The following ATAD3B variants were observed in gnomAD, a reference collection of about 807,000 sequenced individuals.
ATAD3B encodes ATPase family AAA domain-containing protein 3B.
A neutral mutation model predicts 70.2 loss-of-function variants in ATAD3B; 59 were observed. The ratio of observed to expected loss-of-function variants is 0.84; its 90% confidence interval spans 0.68 to 1.04. The LOEUF is 1.04. ATAD3B is among the 50% of genes least tolerant of loss of function. The pLI, the probability that ATAD3B is intolerant of heterozygous loss-of-function variation, is 0.00. For synonymous variants in ATAD3B, 423 were observed against 388.6 expected (o/e 1.09, Z -1.04); for missense variants, 961 against 913.4 (o/e 1.05, Z -0.67).
chr1:1,486,452 C>G, intron 10 of ATAD3B, 92 bp from the exon 11 acceptor site: 1 of 1,607,862 alleles, frequency 6.2e-7, no homozygotes, highest in Admixed American at 1.7e-5. Flanking sequence ...ACAGGGACAC[C>G]CGGCAGGGGC....
chr1:1,486,104 C>T lies in ATAD3B; in HGVS notation c.964-6C>T, dbSNP rs149651155. On this transcript the variant is annotated splice_region_variant and splice_polypyrimidine_tract_variant and intron_variant, in intron 9 of 15. Transcript: ENST00000673477. ...GTCTCCCCCAAACCCCCGTCTTCCC[C>T]GGCAGCCCAGCCTGGAAGCACGGGT... 2,972 of 1,613,016 alleles carry T rather than the reference C, an allele frequency of 1.8e-3. 52 individuals are homozygous for T. The highest frequency in any genetic ancestry group is 2.3e-3 in the Non-Finnish European group (2,767 of 1,179,626).
At chr1:1,483,947 A>G (rs2100561401) in intron 7 of ATAD3B, 1 of 152,202 alleles carries the variant, frequency 6.6e-6, no homozygotes, top group Middle Eastern at 3.4e-3. Flanking sequence ...GGGCGCCGGC[A>G]CCACGGCAGA....
At position 1,482,607 on chromosome 1, in the gene ATAD3B, C is replaced by T. The variant is rs1639978596; in HGVS notation, c.743C>T (p.Thr248Ile). Residue 248 changes from threonine to isoleucine, a missense_variant, in exon 7 of 16, where the codon ACA becomes ATA. By Grantham distance (89) the Thr-to-Ile change is moderately conservative (BLOSUM62 -1). This residue lies in a region of ATAD3B where 349 missense variants were observed against 307.5 expected (regional missense o/e 1.14). Coordinates refer to ENST00000673477, the MANE Select transcript of ATAD3B (RefSeq NM_031921.6). ...RAFVTDRDKV[T>I]ATVAGLTLLA... The stretch of plus-strand genomic sequence containing the variant: ...TTTGTGACAGACCGGGACAAAGTGA[C>T]AGCCACGGTAAACATATTCATAAAA... 1 of 1,613,384 alleles carries T rather than the reference C, an allele frequency of 6.2e-7. No homozygotes were observed. Among genetic ancestry groups the T allele is most frequent in the Non-Finnish European group, 8.5e-7 (1 of 1,179,576 alleles).
rs1640789603 is a variant in ATAD3B, at chr1:1,496,264, TG to T, written c.*451del. On this transcript the variant is annotated 3_prime_UTR_variant, in exon 16 of 16. Coordinates refer to ENST00000673477, the MANE Select transcript of ATAD3B (RefSeq NM_031921.6). ...TTTCAGGGGCGCCCTAGCGTCCTCCTGGGGTCAAAGGTGACATAAGAGGCAG... is the reference window on the plus strand; with the variant it reads ...TTTCAGGGGCGCCCTAGCGTCCTCCTGGGTCAAAGGTGACATAAGAGGCAG... 1 of 990,670 alleles carries T rather than the reference TG, an allele frequency of 1.0e-6. No homozygotes were observed. 61.4% of individuals were successfully genotyped at this position (990,670 alleles called of 1,614,324 possible).
intron 11 of ATAD3B, 97 bp from the exon 12 acceptor site, chr1:1,487,766 G>A: frequency 1.4e-6 from 2 of 1,458,656 alleles, no homozygotes; most frequent in Non-Finnish European, 1.9e-6. Context: ...ACCCCGTGGG[G>A]ATCTGCCTGC....
rs1640106726 is a variant in ATAD3B at position 1,484,714 on chromosome 1, G to T, written c.751-302G>T. 5.4e-6 allele frequency: 3 copies of T among 557,004 alleles called. No homozygotes were observed. In the East Asian group the frequency reaches 1.1e-4, roughly 20 times the overall value. The allele number at this position is 557,004 out of a possible 1,614,324, so 34.5% of individuals were successfully genotyped here. ...GGCCAAGGATGTACCAGAGGGTGTG[G>T]CCCTGTGACATCCAGCTGGGTCTGC... is the stretch of plus-strand genomic sequence containing the variant. On this transcript the variant is annotated intron_variant, in intron 7 of 15. Transcript: ENST00000673477.
Position 1,496,323 on chromosome 1 carries a change from C to A in ATAD3B, c.*506C>A. The A allele has an allele frequency of 1.2e-6, 1 of 868,474 alleles. No individual in the cohort carries two copies. Among genetic ancestry groups the A allele is most frequent in the East Asian group, 1.2e-4 (1 of 8,330 alleles). 53.8% of individuals were successfully genotyped at this position (868,474 alleles called of 1,614,324 possible). A position where few individuals can be genotyped will look rare whatever the true frequency, so the allele number is the denominator to read the frequency against. ...AGCTTTCTGGAGAATTTACTGATCA[C>A]AGAGCGGTGTGCTTCACATCAGCCT... On this transcript the variant is annotated 3_prime_UTR_variant, in exon 16 of 16. Coordinates refer to ENST00000673477, the MANE Select transcript of ATAD3B (RefSeq NM_031921.6).
chr1:1,496,416 C>G lies in ATAD3B; in HGVS notation c.*599C>G, dbSNP rs372459802. ...CCGCCTGCGCCCCACCAGCCCCTCC[C>G]TCCTGAAGGAGGGGCACCCCGAGAA... On this transcript the variant is annotated 3_prime_UTR_variant, in exon 16 of 16. Transcript: ENST00000673477. 454 of 215,816 alleles carry G rather than the reference C, an allele frequency of 2.1e-3. 1 individual carries two copies. The highest frequency in any genetic ancestry group is 9.9e-3 in the African/African-American group (420 of 42,404). The allele number at this position is 215,816 out of a possible 1,614,324, so 13.4% of individuals were successfully genotyped here.
At position 1,490,099 on chromosome 1, in the gene ATAD3B, A is replaced by C; in HGVS notation, c.1338-158A>C. 4.9e-6 allele frequency: 7 copies of C among 1,429,506 alleles called. 1 individual carries two copies. Among genetic ancestry groups the C allele is most frequent in the Non-Finnish European group, 6.4e-6 (7 of 1,096,230 alleles). The allele number at this position is 1,429,506 out of a possible 1,614,324, so 88.6% of individuals were successfully genotyped here. On this transcript the variant is annotated intron_variant, in intron 13 of 15. Transcript: ENST00000673477. ...TGGTGGGGCAGGCAGGCGGGTGACC[A>C]GGGCTGTGGCTGCGTTCTCCCCATG...
At chr1:1,508,198 A>G in the ATAD3B span, among the ~76,000 whole-genome samples, 3 of 149,814 alleles carry the variant, frequency 2.0e-5, no homozygotes, top group African/African-American at 7.6e-5. Flanking sequence ...CAGTGGCGGT[A>G]CGGCTCCAGT....
chr1:1,500,379 C>G (rs941025079), downstream of ATAD3B, among the ~76,000 whole-genome samples: 5 of 148,064 alleles, frequency 3.4e-5, no homozygotes, highest in African/African-American at 9.9e-5. Context: ...GGTGAAACCC[C>G]GTCTCTACTA....
At chr1:1,494,466 C>T (rs988606363) in intron 15 of ATAD3B, among the ~76,000 whole-genome samples, 2 of 151,444 alleles carry the variant, frequency 1.3e-5, no homozygotes, top group African/African-American at 4.9e-5. Flanking sequence ...CGCTCCCGGG[C>T]CCCCGACCCA....
the ATAD3B span, among the ~76,000 whole-genome samples, chr1:1,505,910 C>T: frequency 1.3e-5 from 2 of 152,176 alleles, no homozygotes; most frequent in African/African-American, 2.4e-5. Context: ...TGGAACAGCT[C>T]GTGCCCTCGG....
intron 15 of ATAD3B, among the ~76,000 whole-genome samples, chr1:1,491,071 T>C (rs1199322966): frequency 6.6e-6 from 1 of 151,970 alleles, no homozygotes; most frequent in Non-Finnish European, 1.5e-5. Flanking sequence ...TTGTGTTTCC[T>C]GGACCAGGTC....
chr1:1,499,842 C>T (rs1228359520), downstream of ATAD3B, among the ~76,000 whole-genome samples: 4 of 149,440 alleles, frequency 2.7e-5, no homozygotes, highest in African/African-American at 9.9e-5. Flanking sequence ...GATCCACCCA[C>T]CTCGGCCTCC....
At chr1:1,490,214 A>T in intron 13 of ATAD3B, 43 bp from the exon 14 acceptor site, 1 of 1,597,278 alleles carries the variant, frequency 6.3e-7, no homozygotes, top group Non-Finnish European at 8.6e-7. Flanking sequence ...GGGGCATCTC[A>T]GCTGGCAGCC....
In ATAD3B at chr1:1,478,428, T is replaced by A. The variant is rs572786675; in HGVS notation, c.283-216T>A. 583 of 1,518,866 alleles carry A rather than the reference T, an allele frequency of 3.8e-4. 5 individuals carry two copies. The African/African-American group carries it at 7.0e-3, about 18-fold the overall frequency. The allele number at this position is 1,518,866 out of a possible 1,614,324, so 94.1% of individuals were successfully genotyped here. A position where few individuals can be genotyped will look rare whatever the true frequency, so the allele number is the denominator to read the frequency against. On this transcript the variant is annotated intron_variant, in intron 2 of 15. Coordinates refer to ENST00000673477, the MANE Select transcript of ATAD3B (RefSeq NM_031921.6). ...TGTCTGACCTCCCTCCCCGGGGGCC[T>A]TCGCAGGCTTCTCTGCTGGTGCTTC...
chr1:1,501,563 G>C (rs1315681581), downstream of ATAD3B, among the ~76,000 whole-genome samples: 1 of 151,862 alleles, frequency 6.6e-6, no homozygotes, highest in Non-Finnish European at 1.5e-5. Context: ...CCTAATTTTT[G>C]TATTTTTAGT....
chr1:1,488,057 CTG>C, intron 12 of ATAD3B, 143 bp downstream of exon 12: 3 of 1,194,842 alleles, frequency 2.5e-6, no homozygotes, highest in Non-Finnish European at 2.4e-6. Flanking sequence ...TGGGTTCAAG[CTG>C]CTCTCCTGCC....
Sources: gnomAD v4.1 joint callset for allele counts (sites outside exome capture counted in the v4.1 genomes callset) on GRCh38, gnomAD v4.1.1 for gene constraint, gnomAD v4.1.1 regional missense constraint, MANE v1.5 for transcripts, NCBI Gene and HGNC (gene_info 2026-07-23, HGNC 2026-07-21) for gene names.